LRFN5: variants seen among roughly 807,000 people sequenced by gnomAD.
The protein encoded by LRFN5 is leucine rich repeat and fibronectin type III domain containing 5.
LRFN5 carries 24 observed loss-of-function variants against 45.6 expected under a neutral mutation model. That is an observed-to-expected ratio of 0.53 (90% CI 0.38 to 0.74). The LOEUF (loss-of-function observed/expected upper bound fraction) is 0.74, where lower values mean the gene tolerates loss of function less well. Among genes scored for constraint, LRFN5 ranks in the 30% least tolerant of loss-of-function variants. LRFN5 has a pLI of 0.00. For synonymous variants in LRFN5, 340 were observed against 313.8 expected (o/e 1.08, Z -0.88); for missense variants, 776 against 861.5 (o/e 0.90, Z 1.24).
chr14:41,651,151 GGCAAGGGA>G (rs1880106244), intron 1 of LRFN5, among the ~76,000 whole-genome samples: 1 of 152,060 alleles, frequency 6.6e-6, no homozygotes, highest in Non-Finnish European at 1.5e-5. Flanking sequence ...TCAAGCTCAT[GGCAAGGGA>G]GCAAATTGTG....
At chr14:41,869,939 T>G (rs532207580) in intron 2 of LRFN5, among the ~76,000 whole-genome samples, 3 of 152,120 alleles carry the variant, frequency 2.0e-5, no homozygotes, top group African/African-American at 7.2e-5. Flanking sequence ...ATGGTGCACA[T>G]TTTACTTTTA....
intron 2 of LRFN5, among the ~76,000 whole-genome samples, chr14:41,846,259 A>G (rs1422827960): frequency 6.6e-6 from 1 of 151,890 alleles, no homozygotes; most frequent in Non-Finnish European, 1.5e-5. Context: ...CCATCTGGCA[A>G]TTTTACTCCT....
At position 41,887,455 on chromosome 14, in the gene LRFN5, T is replaced by C. The variant is rs989070730; in HGVS notation, c.830T>C (p.Ile277Thr). The change falls in exon 3 of 6, where the codon ATT becomes ACT. Residue 277 changes from isoleucine to threonine, a missense_variant. Ile to Thr is a moderately conservative substitution (Grantham distance 89). Around this residue, in one of 2 missense-constraint regions of LRFN5, gnomAD observed 311 missense variants for 405.1 expected, o/e 0.77. Coordinates refer to ENST00000298119, the MANE Select transcript of LRFN5 (RefSeq NM_152447.5). The surrounding 1 kb of genome is among the most constrained non-coding windows in gnomAD (Gnocchi z 4.8). ...TTAACTGGCCGCTACTTTTGGTCAA[T>C]TCCTGAAGAAGAGTTTTTGTGTGAG... is the stretch of plus-strand genomic sequence containing the variant. ...PLLTGRYFWS[I>T]PEEEFLCEPP... is the part of the protein sequence containing the mutation. The C allele has an allele frequency of 3.7e-6, 6 of 1,614,056 alleles. No individual in the cohort carries two copies. The African/African-American group carries it at 6.7e-5, about 18-fold the overall frequency.
At chr14:41,628,785 C>T (rs1441740948) in intron 1 of LRFN5, among the ~76,000 whole-genome samples, 3 of 152,036 alleles carry the variant, frequency 2.0e-5, no homozygotes, top group Non-Finnish European at 2.9e-5. Flanking sequence ...TGGATTTGCA[C>T]GTGTGGGGAC....
chr14:41,808,583 AAG>A (rs1887627112), intron 2 of LRFN5, among the ~76,000 whole-genome samples: 1 of 138,708 alleles, frequency 7.2e-6, no homozygotes, highest in South Asian at 2.4e-4. Flanking sequence ...GGAAGGAAGG[AAG>A]GAAGGAAGGA....
At chr14:41,840,956 A>T (rs1477098935) in intron 2 of LRFN5, among the ~76,000 whole-genome samples, 1 of 151,920 alleles carries the variant, frequency 6.6e-6, no homozygotes. Flanking sequence ...GAATCAATGT[A>T]TGTATTACGT....
At chr14:41,642,234 A>G in intron 1 of LRFN5, among the ~76,000 whole-genome samples, 1 of 152,150 alleles carries the variant, frequency 6.6e-6, no homozygotes, top group African/African-American at 2.4e-5. Flanking sequence ...CACATACTGA[A>G]TCATCTATTG....
chr14:41,894,137 A>G, intron 4 of LRFN5: 1 of 984,336 alleles, frequency 1.0e-6, no homozygotes, highest in South Asian at 4.7e-5. Flanking sequence ...GACTTAAAGA[A>G]ATGAATCTTC....
intron 1 of LRFN5, among the ~76,000 whole-genome samples, chr14:41,739,362 G>A (rs1191728907): frequency 6.6e-6 from 1 of 151,630 alleles, no homozygotes; most frequent in African/African-American, 2.4e-5. Flanking sequence ...TCCAGCCTGA[G>A]TGGCAGAGCC....
intron 1 of LRFN5, among the ~76,000 whole-genome samples, chr14:41,637,785 G>A (rs932954195): frequency 1.6e-4 from 24 of 152,196 alleles, no homozygotes; most frequent in African/African-American, 5.3e-4. Flanking sequence ...AAGCACCAGG[G>A]ATATGACCGC....
intron 1 of LRFN5, among the ~76,000 whole-genome samples, chr14:41,679,060 GCT>G (rs34570380): frequency 0.75 from 113,277 of 151,764 alleles, 43,051 homozygotes; most frequent in East Asian, 1. Flanking sequence ...ATTTACACCA[GCT>G]CTCTAGCCAG....
chr14:41,686,759 C>T (rs541757641), intron 1 of LRFN5, among the ~76,000 whole-genome samples: 1 of 152,164 alleles, frequency 6.6e-6, no homozygotes, highest in Non-Finnish European at 1.5e-5. Context: ...TGATGGATTA[C>T]ATTTAATGAT....
At chr14:41,753,325 G>A (rs138822267) in intron 1 of LRFN5, among the ~76,000 whole-genome samples, 3,540 of 152,182 alleles carry the variant, frequency 0.023, 42 homozygotes, top group Non-Finnish European at 0.033. Flanking sequence ...AGCTTGATGC[G>A]GATGGCATTG....
chr14:41,671,617 G>GTTTTTTTTTTTTTTTTTTTTTTTGT (rs914212982), intron 1 of LRFN5, among the ~76,000 whole-genome samples: 1 of 78,020 alleles, frequency 1.3e-5, no homozygotes, highest in Non-Finnish European at 2.3e-5. Flanking sequence ...TTTTTTTTTC[G>GTTTTTTTTTTTTTTTTTTTTTTTGT]TTTTTTTTTT....
chr14:41,654,548 G>T (rs139942757), intron 1 of LRFN5, among the ~76,000 whole-genome samples: 1 of 152,034 alleles, frequency 6.6e-6, no homozygotes, highest in Non-Finnish European at 1.5e-5. Flanking sequence ...CACTTTTCAG[G>T]TTTGGAGCAG....
At chr14:41,885,155 CAAAAAA>C (rs56318694) in intron 2 of LRFN5, among the ~76,000 whole-genome samples, 80,636 of 129,472 alleles carry the variant, frequency 0.62, 23,318 homozygotes, top group Middle Eastern at 0.76. Flanking sequence ...CCTGTCTCTA[CAAAAAA>C]AAAAAAAAAA....
intron 2 of LRFN5, among the ~76,000 whole-genome samples, chr14:41,863,279 T>C (rs1889731150): frequency 6.6e-6 from 1 of 152,238 alleles, no homozygotes; most frequent in African/African-American, 2.4e-5. Context: ...TTCAATAATT[T>C]CTCCTCTTGT....
intron 2 of LRFN5, among the ~76,000 whole-genome samples, chr14:41,794,399 A>G (rs1451642559): frequency 6.6e-6 from 1 of 152,066 alleles, no homozygotes; most frequent in Admixed American, 6.6e-5. Flanking sequence ...AAGTTCAAAT[A>G]TTACCTCCTG....
chr14:41,741,148 A>G (rs1257627537), intron 1 of LRFN5, among the ~76,000 whole-genome samples: 13 of 151,728 alleles, frequency 8.6e-5, no homozygotes, highest in Admixed American at 6.7e-5. Context: ...TAGTACTCAA[A>G]GCAACCTGCA....
Sources: allele counts gnomAD v4.1 joint callset (sites outside exome capture counted in the v4.1 genomes callset), GRCh38; gene constraint gnomAD v4.1.1; regional missense constraint gnomAD v4.1.1; non-coding constraint Gnocchi (gnomAD v3.1); transcripts MANE v1.5; gene names NCBI Gene and HGNC (gene_info 2026-07-23, HGNC 2026-07-21).